CRACDL: variants seen among roughly 807,000 people sequenced by gnomAD.
CRACDL encodes CRACD-like protein.
In CRACDL, 26 loss-of-function variants were observed where a neutral mutation model predicts 70.6. That is an observed-to-expected ratio of 0.37 (90% CI 0.27 to 0.51). The LOEUF (loss-of-function observed/expected upper bound fraction) is 0.51, where lower values mean the gene tolerates loss of function less well. CRACDL is among the 20% of genes least tolerant of loss of function. The pLI is 0.94. For synonymous variants in CRACDL, 618 were observed against 615.2 expected (o/e 1.00, Z -0.07); for missense variants, 1,283 against 1,376.9 (o/e 0.93, Z 1.08).
intron 1 of CRACDL, among the ~76,000 whole-genome samples, chr2:98,854,972 A>G (rs1016575653): frequency 6.6e-6 from 1 of 152,244 alleles, no homozygotes; most frequent in African/African-American, 2.4e-5. Context: ...GCTGATTTTG[A>G]TCATTGTAAC....
At chr2:98,886,974 G>A (rs1707814075) in intron 1 of CRACDL, among the ~76,000 whole-genome samples, 1 of 152,078 alleles carries the variant, frequency 6.6e-6, no homozygotes, top group Non-Finnish European at 1.5e-5. Flanking sequence ...ATATATAAAG[G>A]AGAGTATGAG....
intron 1 of CRACDL, among the ~76,000 whole-genome samples, chr2:98,898,941 CCAGA>C (rs1315988960): frequency 1.3e-5 from 2 of 152,174 alleles, no homozygotes; most frequent in Non-Finnish European, 2.9e-5. Flanking sequence ...AGGCTGAAAT[CCAGA>C]CAGGGGTCAC....
At chr2:98,839,109 CA>C (rs1705914929) in intron 2 of CRACDL, among the ~76,000 whole-genome samples, 1 of 152,196 alleles carries the variant, frequency 6.6e-6, no homozygotes. Context: ...AAAATTTGCA[CA>C]ATTTATTACT....
At chr2:98,923,372 A>T (rs2104696855) in intron 1 of CRACDL, among the ~76,000 whole-genome samples, 1 of 152,288 alleles carries the variant, frequency 6.6e-6, no homozygotes, top group African/African-American at 2.4e-5. Context: ...TCATGGGGAA[A>T]ATGGTACTTT....
At chr2:98,796,333 G>A in intron 8 of CRACDL, 69 bp from the exon 9 acceptor site, 1 of 1,512,906 alleles carries the variant, frequency 6.6e-7, no homozygotes, top group Non-Finnish European at 9.1e-7. Flanking sequence ...CATCCAAAGT[G>A]AAGGAGCTGC....
intron 1 of CRACDL, among the ~76,000 whole-genome samples, chr2:98,850,481 C>T (rs1262105111): frequency 6.6e-6 from 1 of 152,206 alleles, no homozygotes; most frequent in Non-Finnish European, 1.5e-5. Context: ...CCAATACCTC[C>T]CAGACCTCCT....
intron 3 of CRACDL, among the ~76,000 whole-genome samples, chr2:98,836,737 ATAT>A (rs932708504): frequency 3.3e-5 from 5 of 152,174 alleles, no homozygotes; most frequent in Admixed American, 2.6e-4. Context: ...ATAATTAGTA[ATAT>A]TATCGCGATA....
At chr2:98,879,127 G>C (rs1236286839) in intron 1 of CRACDL, among the ~76,000 whole-genome samples, 1 of 152,074 alleles carries the variant, frequency 6.6e-6, no homozygotes, top group Non-Finnish European at 1.5e-5. Context: ...CCTGGACTCT[G>C]AGCTCCCTGA....
At chr2:98,818,598 CAG>C (rs1704890381) in intron 7 of CRACDL, among the ~76,000 whole-genome samples, 1 of 152,184 alleles carries the variant, frequency 6.6e-6, no homozygotes, top group African/African-American at 2.4e-5. Context: ...TTTCTGGAAA[CAG>C]AGTGATATTG....
At chr2:98,795,077 A>ATATATATATATATATATATAT in intron 9 of CRACDL, among the ~76,000 whole-genome samples, 2 of 58,494 alleles carry the variant, frequency 3.4e-5, no homozygotes, top group African/African-American at 1.3e-4. Context: ...ATATATATAT[A>ATATATATATATATATATATAT]TTTTTTTTTT....
chr2:98,831,706 TG>T (rs1313336780), intron 5 of CRACDL, among the ~76,000 whole-genome samples: 1 of 152,220 alleles, frequency 6.6e-6, no homozygotes, highest in East Asian at 1.9e-4. Flanking sequence ...TCGCGAGCTA[TG>T]TTGTTTATGC....
At chr2:98,851,023 T>C (rs1706459372) in intron 1 of CRACDL, among the ~76,000 whole-genome samples, 1 of 152,216 alleles carries the variant, frequency 6.6e-6, no homozygotes, top group Non-Finnish European at 1.5e-5. Flanking sequence ...CCTGACTCCA[T>C]ACATCTGAGC....
At chr2:98,833,845 C>T (rs961986874) in intron 3 of CRACDL, among the ~76,000 whole-genome samples, 3 of 152,204 alleles carry the variant, frequency 2.0e-5, no homozygotes, top group Non-Finnish European at 4.4e-5. Context: ...CCACCCCACC[C>T]ACTTCCCTCC....
At chr2:98,834,716 CAAAA>C (rs1301434221) in intron 3 of CRACDL, among the ~76,000 whole-genome samples, 1 of 151,940 alleles carries the variant, frequency 6.6e-6, no homozygotes, top group African/African-American at 2.4e-5. Flanking sequence ...TGAAACCAAA[CAAAA>C]AGAGAAATAA....
Position 98,822,888 on chromosome 2 carries a change from C to G in CRACDL, c.1385G>C (p.Arg462Thr). ...TCTCTCGGGCTCCGTCTCCGCTTCTCTCTCGGGCTCAGGCGCCGGCCCTGG... is the reference window on the plus strand; with the variant it reads ...TCTCTCGGGCTCCGTCTCCGCTTCTGTCTCGGGCTCAGGCGCCGGCCCTGG... ...GPPGPAPEPE[R>T]EAETEPERGA... The change falls in exon 7 of 10, where the codon AGA (arginine) becomes ACA (threonine). Residue 462 changes from arginine to threonine, a missense_variant. Coordinates refer to ENST00000397899, the MANE Select transcript of CRACDL (RefSeq NM_207362.3). This position sits in a 1 kb window ranked among gnomAD's most constrained non-coding sequence, Gnocchi z 4.9. 1 of 1,473,570 alleles carries G rather than the reference C, an allele frequency of 6.8e-7. No individual in the cohort carries two copies. Among genetic ancestry groups the G allele is most frequent in the Non-Finnish European group, 8.9e-7 (1 of 1,123,320 alleles). 91.3% of individuals were successfully genotyped at this position (1,473,570 alleles called of 1,614,324 possible). A position where few individuals can be genotyped will look rare whatever the true frequency, so the allele number is the denominator to read the frequency against.
At chr2:98,872,106 G>A (rs977892928) in intron 1 of CRACDL, among the ~76,000 whole-genome samples, 31 of 152,320 alleles carry the variant, frequency 2.0e-4, no homozygotes, top group Admixed American at 1.8e-3. Context: ...GGTGGCTCAT[G>A]CCTGTAATCC....
At chr2:98,830,515 C>T (rs1705496917) in intron 5 of CRACDL, among the ~76,000 whole-genome samples, 1 of 152,166 alleles carries the variant, frequency 6.6e-6, no homozygotes, top group Non-Finnish European at 1.5e-5. Context: ...ACCAATTATG[C>T]ATAAAAACTT....
chr2:98,895,009 G>C (rs913803665), intron 1 of CRACDL, among the ~76,000 whole-genome samples: 1 of 152,314 alleles, frequency 6.6e-6, no homozygotes, highest in Non-Finnish European at 1.5e-5. Context: ...TACTCAGGAG[G>C]CTGAGGTTGG....
intron 1 of CRACDL, among the ~76,000 whole-genome samples, chr2:98,899,313 GTAATAA>G (rs1708206217): frequency 1.3e-5 from 2 of 152,252 alleles, no homozygotes; most frequent in African/African-American, 2.4e-5. Flanking sequence ...GTACAAGTAT[GTAATAA>G]GCACCCAAGT....
Sources: allele counts gnomAD v4.1 joint callset (sites outside exome capture counted in the v4.1 genomes callset), GRCh38; gene constraint gnomAD v4.1.1; non-coding constraint Gnocchi (gnomAD v3.1); transcripts MANE v1.5; gene names NCBI Gene and HGNC (gene_info 2026-07-23, HGNC 2026-07-21).